RAB11FIP1: variants seen among roughly 807,000 people sequenced by gnomAD.
RAB11FIP1 encodes rab11 family-interacting protein 1.
In RAB11FIP1, 49 loss-of-function variants were observed where a neutral mutation model predicts 83.1. The ratio of observed to expected loss-of-function variants is 0.59; its 90% CI spans 0.47 to 0.75. The LOEUF (loss-of-function observed/expected upper bound fraction) is 0.75. RAB11FIP1 is among the 30% of genes least tolerant of loss of function. RAB11FIP1 has a pLI of 0.00. For synonymous variants in RAB11FIP1, 670 were observed against 656.0 expected, an observed-to-expected ratio of 1.02 and a Z score of -0.33; for missense variants, 1,536 against 1,598.7, an observed-to-expected ratio of 0.96 and a Z score of 0.67.
rs1224922304 is a variant in RAB11FIP1, at chr8:37,892,392, A to G, written c.371+6679T>C. The stretch of plus-strand genomic sequence containing the variant: ...AGAGCCACGGTGATCTCTGACAAAT[A>G]AATTGGACCGTATCAACCCACTACT... On this transcript the variant is annotated intron_variant, in intron 1 of 5. Coordinates refer to ENST00000330843, the MANE Select transcript of RAB11FIP1 (RefSeq NM_001002814.3). Among the ~76,000 whole-genome samples, 11 of 152,194 alleles carry G rather than the reference A, an allele frequency of 7.2e-5. No homozygotes were observed. The East Asian group carries it at 2.1e-3, about 29-fold the overall frequency.
In RAB11FIP1 at chr8:37,872,119, AG is replaced by A. The variant is rs1806480319; in HGVS notation, c.2682del (p.Ser895ProfsTer5). 1 of 1,613,870 alleles carries A rather than the reference AG, an allele frequency of 6.2e-7. No individual in the cohort carries two copies. The highest frequency in any genetic ancestry group is 8.5e-7 in the Non-Finnish European group (1 of 1,179,990). On this transcript the variant is annotated frameshift_variant, in exon 4 of 6. Coordinates refer to ENST00000330843, the MANE Select transcript of RAB11FIP1 (RefSeq NM_001002814.3). LOFTEE classifies it high-confidence loss of function. ...HLLLPSQEES[F>X]SEVPMSEASS... ...CTTGCTTCACTCATGGGGACTTCGGAGAAACTCTCCTCCTGGGAGGGGAGGA... is the reference window on the plus strand; with the variant it reads ...CTTGCTTCACTCATGGGGACTTCGGAAAACTCTCCTCCTGGGAGGGGAGGA...
In RAB11FIP1 at chr8:37,860,857, G is replaced by A. The variant is rs1488510569; in HGVS notation, c.*2038C>T. On this transcript the variant is annotated 3_prime_UTR_variant, in exon 6 of 6. Transcript: ENST00000330843. ...ACAGTATCATCCTTCAGATTAAAGTGCTCTGATATAACCAATGCCACAGCA... is the reference window on the plus strand; with the variant it reads ...ACAGTATCATCCTTCAGATTAAAGTACTCTGATATAACCAATGCCACAGCA... The A allele has an allele frequency of 3.3e-5, 5 of 152,656 alleles. No individual in the cohort carries two copies. In the East Asian group the frequency reaches 9.6e-4, roughly 29 times the overall value. The allele number at this position is 152,656 out of a possible 1,614,324, so 9.5% of individuals were successfully genotyped here. A position where few individuals can be genotyped will look rare whatever the true frequency, so the allele number is the denominator to read the frequency against.
chr8:37,895,260 T>TATATATATATATATGTA (rs1232747968), intron 1 of RAB11FIP1, among the ~76,000 whole-genome samples: 1 of 4,330 alleles, frequency 2.3e-4, no homozygotes, highest in Non-Finnish European at 3.8e-4. Context: ...TATATATATA[T>TATATATATATATATGTA]TTTTTTTTTT....
chr8:37,894,874 C>T lies in RAB11FIP1; in HGVS notation c.371+4197G>A, dbSNP rs574238497. Among the ~76,000 whole-genome samples the T allele has an allele frequency of 9.3e-5, 14 of 150,464 alleles. No individual in the cohort carries two copies. The South Asian group carries it at 1.7e-3, about 18-fold the overall frequency. On this transcript the variant is annotated intron_variant, in intron 1 of 5. Coordinates refer to ENST00000330843, the MANE Select transcript of RAB11FIP1 (RefSeq NM_001002814.3). ...AAGCATTTCTCCTACCTCAGCCTCC[C>T]GAGTAGCTGCGATTACAGGCACCCA... is the stretch of plus-strand genomic sequence containing the variant.
rs1806232982 is a variant in RAB11FIP1, at chr8:37,861,568, AAGAC to A, written c.*1323_*1326del. 1 of 441,626 alleles carries A rather than the reference AAGAC, an allele frequency of 2.3e-6. No homozygotes were observed. Among genetic ancestry groups the A allele is most frequent in the South Asian group, 1.6e-5 (1 of 61,868 alleles). The allele number at this position is 441,626 out of a possible 1,614,324, so 27.4% of individuals were successfully genotyped here. On this transcript the variant is annotated 3_prime_UTR_variant, in exon 6 of 6. Coordinates refer to ENST00000330843, the MANE Select transcript of RAB11FIP1 (RefSeq NM_001002814.3). ...TCTTTTTTTCTTTTTAGTTTTTTTT[AAGAC>A]AGAGTCTTAAAAAAATTGCCCAGGC...
intron 1 of RAB11FIP1, among the ~76,000 whole-genome samples, chr8:37,895,070 GTT>G (rs78986423): frequency 2.3e-5 from 3 of 132,036 alleles, no homozygotes; most frequent in African/African-American, 2.8e-5. Flanking sequence ...ATATATATAT[GTT>G]TTTTTTTTTT....
chr8:37,894,711 C>CATATATATATACATATAT (rs1248022441), intron 1 of RAB11FIP1, among the ~76,000 whole-genome samples: 3 of 145,060 alleles, frequency 2.1e-5, no homozygotes, highest in Non-Finnish European at 4.5e-5. Flanking sequence ...CATATATATA[C>CATATATATATACATATAT]ATATATATAT....
chr8:37,863,261 T>TCTTTCTTTCTTTC, intron 5 of RAB11FIP1, 148 bp from the exon 6 acceptor site: 1 of 522,584 alleles, frequency 1.9e-6, no homozygotes, highest in Admixed American at 3.4e-5. Flanking sequence ...TTTCTTTCTT[T>TCTTTCTTTCTTTC]TTGAGACTGA....
At position 37,871,458 on chromosome 8, in the gene RAB11FIP1, T is replaced by C. The variant is rs1354699742; in HGVS notation, c.3344A>G (p.His1115Arg). 1 of 1,614,048 alleles carries C rather than the reference T, an allele frequency of 6.2e-7. No homozygotes were observed. The highest frequency in any genetic ancestry group is 2.2e-5 in the East Asian group (1 of 44,870). ...TGTGCTGGTGTGGTGAGTGTCAGAA[T>C]GTGCAGAGCTGGGGAAAGAGTGTGT... ...PVTHSFPSSA[H>R]SDTHHTSTAE... The change falls in exon 4 of 6, where the codon CAT (histidine) becomes CGT (arginine). Residue 1115 changes from histidine to arginine, a missense_variant. By Grantham distance (29) the His-to-Arg change is conservative. Coordinates refer to ENST00000330843, the MANE Select transcript of RAB11FIP1 (RefSeq NM_001002814.3).
intron 5 of RAB11FIP1, among the ~76,000 whole-genome samples, chr8:37,866,934 C>T (rs748690952): frequency 2.0e-5 from 3 of 152,126 alleles, no homozygotes; most frequent in Non-Finnish European, 2.9e-5. Flanking sequence ...AGGCAGGCAG[C>T]GGGGTGGCAG....
At chr8:37,889,201 A>T (rs774535372) in intron 1 of RAB11FIP1, among the ~76,000 whole-genome samples, 8 of 152,204 alleles carry the variant, frequency 5.3e-5, no homozygotes, top group Non-Finnish European at 1.2e-4. Context: ...TCGAACTCTC[A>T]GAAATAGGCC....
chr8:37,866,915 A>G (rs988290234), intron 5 of RAB11FIP1, among the ~76,000 whole-genome samples: 2 of 151,520 alleles, frequency 1.3e-5, no homozygotes. Context: ...GAACCAAGAG[A>G]TGTGTTGCAG....
Position 37,871,416 on chromosome 8 carries a change from T to G in RAB11FIP1, c.3386A>C (p.Lys1129Thr), listed in dbSNP as rs1806456652. The change falls in exon 4 of 6, where the codon AAA (lysine) becomes ACA (threonine). Residue 1129 changes from lysine to threonine, a missense_variant. Coordinates refer to ENST00000330843, the MANE Select transcript of RAB11FIP1 (RefSeq NM_001002814.3). ...HHTSTAESQK[K>T]ATAEGSAGRV... ...ACCAGCGGAGCCCTCTGCTGTGGCT[T>G]TTTTTTGAGATTCTGCTGTGCTGGT... 1 of 1,614,184 alleles carries G rather than the reference T, an allele frequency of 6.2e-7. No individual in the cohort carries two copies. Among genetic ancestry groups the G allele is most frequent in the East Asian group, 2.2e-5 (1 of 44,878 alleles).
intron 1 of RAB11FIP1, among the ~76,000 whole-genome samples, chr8:37,881,595 T>C (rs1487411755): frequency 6.6e-6 from 1 of 152,238 alleles, no homozygotes; most frequent in Non-Finnish European, 1.5e-5. Context: ...ATATGAGCTA[T>C]AATTTTGGAC....
chr8:37,873,428 A>T (rs1806528224), intron 3 of RAB11FIP1: 1 of 402,684 alleles, frequency 2.5e-6, no homozygotes, highest in African/African-American at 2.1e-5. Context: ...AACATGGTGA[A>T]ACCTCATCTC....
intron 1 of RAB11FIP1, among the ~76,000 whole-genome samples, chr8:37,886,672 G>A (rs1235551183): frequency 6.6e-6 from 1 of 152,162 alleles, no homozygotes; most frequent in South Asian, 2.1e-4. Context: ...TGATGGCCTC[G>A]AGTGAGGAAA....
At chr8:37,893,061 T>C (rs1806981930) in intron 1 of RAB11FIP1, among the ~76,000 whole-genome samples, 2 of 151,830 alleles carry the variant, frequency 1.3e-5, no homozygotes, top group Non-Finnish European at 2.9e-5. Context: ...ATTATTTATT[T>C]GTGAGTTCTT....
At chr8:37,865,355 TGACACCCAGG>T (rs1806322666) in intron 5 of RAB11FIP1, among the ~76,000 whole-genome samples, 1 of 151,332 alleles carries the variant, frequency 6.6e-6, no homozygotes, top group South Asian at 2.1e-4. Flanking sequence ...ATTCTCACTG[TGACACCCAGG>T]CTGGAGTGCA....
chr8:37,879,393 C>T (rs575992597), intron 1 of RAB11FIP1, among the ~76,000 whole-genome samples: 3 of 152,192 alleles, frequency 2.0e-5, no homozygotes, highest in East Asian at 3.9e-4. Flanking sequence ...TGTGAGGTTC[C>T]TGGGTTAGTC....
Sources: allele counts gnomAD v4.1 joint callset (sites outside exome capture counted in the v4.1 genomes callset), GRCh38; gene constraint gnomAD v4.1.1; transcripts MANE v1.5; gene names NCBI Gene and HGNC (gene_info 2026-07-23, HGNC 2026-07-21).